The following EXTL3 variants were observed in gnomAD, a reference collection of about 807,000 sequenced individuals.
EXTL3 encodes the protein exostosin like glycosyltransferase 3.
In EXTL3, 27 loss-of-function variants were observed where a neutral mutation model predicts 69.3. The observed-to-expected ratio is 0.39, with a 90% CI of 0.29 to 0.54. EXTL3 has a LOEUF of 0.54. Ranked by LOEUF, EXTL3 falls within the 20% of genes least tolerant of loss-of-function variation. The probability of loss-of-function intolerance (pLI) is 0.69; values close to 1 mark genes in which losing one functional copy is unlikely to be tolerated. For missense variants in EXTL3, 1,003 were observed against 1,231.8 expected (o/e 0.81, Z 2.78); for synonymous variants, 511 against 499.4 (o/e 1.02, Z -0.31).
intron 3 of EXTL3, among the ~76,000 whole-genome samples, chr8:28,728,809 T>C (rs960785832): frequency 1.3e-5 from 2 of 152,036 alleles, no homozygotes; most frequent in African/African-American, 4.8e-5. Flanking sequence ...GATCAATCAC[T>C]TGAGCTAATG....
Position 28,717,987 on chromosome 8 carries a change from C to G in EXTL3, c.1928C>G (p.Ala643Gly). Residue 643 changes from alanine to glycine, a missense_variant, in exon 3 of 7, where the codon GCT becomes GGT. By Grantham distance (60) the Ala-to-Gly change is moderately conservative. Transcript: ENST00000220562. The surrounding 1 kb of genome is among the most constrained non-coding windows in gnomAD (Gnocchi z 8.3). The stretch of plus-strand genomic sequence containing the variant: ...GGCTTTCGGCCTATTGGTGGTGGAG[C>G]TGGGGGTTCTGGCAAGGAATTTCAG... ...GTGFRPIGGGAGGSGKEFQAA... is the reference protein window; with the variant it reads ...GTGFRPIGGGGGGSGKEFQAA... The G allele has an allele frequency of 6.2e-6, 10 of 1,614,060 alleles. No homozygotes were observed. Among genetic ancestry groups the G allele is most frequent in the Non-Finnish European group, 8.5e-6 (10 of 1,180,008 alleles).
intron 4 of EXTL3, among the ~76,000 whole-genome samples, chr8:28,733,007 C>T (rs570485365): frequency 6.6e-6 from 1 of 152,206 alleles, no homozygotes; most frequent in African/African-American, 2.4e-5. Context: ...GCTGGGATTA[C>T]AGGCATGAGC....
At chr8:28,711,222 CT>C (rs2130724147) in intron 1 of EXTL3, among the ~76,000 whole-genome samples, 1 of 152,156 alleles carries the variant, frequency 6.6e-6, no homozygotes, top group African/African-American at 2.4e-5. Context: ...TGTCTTTTCC[CT>C]TTTTTCTTTG....
upstream of EXTL3, among the ~76,000 whole-genome samples, chr8:28,619,231 T>C (rs1033064737): frequency 4.4e-5 from 5 of 114,412 alleles, no homozygotes; most frequent in African/African-American, 9.9e-5. Flanking sequence ...GTCTCTAAAC[T>C]GGGGAGGAAG....
chr8:28,632,298 G>C (rs762338403), intron 1 of EXTL3, among the ~76,000 whole-genome samples: 3 of 152,002 alleles, frequency 2.0e-5, no homozygotes, highest in Non-Finnish European at 4.4e-5. Flanking sequence ...GGAAGGCTGA[G>C]GCAGGAGAAT....
chr8:28,612,921 G>A (rs1026560134), intron 2 of EXTL3, among the ~76,000 whole-genome samples: 1 of 152,082 alleles, frequency 6.6e-6, no homozygotes, highest in Non-Finnish European at 1.5e-5. Flanking sequence ...GTCTTACTAT[G>A]TTACCCAGGC....
Position 28,749,381 on chromosome 8 carries a change from A to G in EXTL3, c.2551-1276A>G, listed in dbSNP as rs114537099. ...ATGAGAATCATAGTTATTAAATTTC[A>G]GTGAAATGGGATAAAAAGATCAGAC... On this transcript the variant is annotated intron_variant, in intron 6 of 6. Transcript: ENST00000220562. Among the ~76,000 whole-genome samples, 650 of 152,352 alleles carry G rather than the reference A, an allele frequency of 4.3e-3. 8 individuals are homozygous for G. The highest frequency in any genetic ancestry group is 0.015 in the African/African-American group (622 of 41,584).
At chr8:28,691,933 T>A (rs556997839) in intron 1 of EXTL3, among the ~76,000 whole-genome samples, 1 of 152,172 alleles carries the variant, frequency 6.6e-6, no homozygotes, top group South Asian at 2.1e-4. Flanking sequence ...ATTATTTAAT[T>A]AATGAAATAA....
At chr8:28,737,388 T>C in intron 4 of EXTL3, 131 bp from the exon 5 acceptor site, 2 of 985,506 alleles carry the variant, frequency 2.0e-6, no homozygotes, top group East Asian at 2.4e-5. Flanking sequence ...TGATTTTGTT[T>C]TATTTTGAAA....
chr8:28,634,396 C>A (rs905980851), intron 1 of EXTL3, among the ~76,000 whole-genome samples: 1 of 152,098 alleles, frequency 6.6e-6, no homozygotes. Context: ...GTGCAGCTCG[C>A]AGCACCCAGG....
Position 28,716,693 on chromosome 8 carries a change from C to A in EXTL3, c.634C>A (p.Pro212Thr). The A allele has an allele frequency of 3.1e-6, 5 of 1,614,200 alleles. No homozygotes were observed. The highest frequency in any genetic ancestry group is 4.2e-6 in the Non-Finnish European group (5 of 1,180,034). The change falls in exon 3 of 7, where the codon CCC (proline) becomes ACC (threonine). Residue 212 changes from proline to threonine, a missense_variant. Physicochemically the swap from Pro to Thr is conservative, Grantham distance 38. Coordinates refer to ENST00000220562, the MANE Select transcript of EXTL3 (RefSeq NM_001440.4). The surrounding 1 kb of genome is among the most constrained non-coding windows in gnomAD (Gnocchi z 7.1). ...GTTTGTCTTTGGCAGCTACCTGGATCCCTTGGTCAAGCAGGCTTTTCAGGC... is the reference window on the plus strand; with the variant it reads ...GTTTGTCTTTGGCAGCTACCTGGATACCTTGGTCAAGCAGGCTTTTCAGGC... ...DQFVFGSYLD[P>T]LVKQAFQATA...
chr8:28,718,213 A>T lies in EXTL3; in HGVS notation c.2148+6A>T, dbSNP rs767570507. On this transcript the variant is annotated splice_donor_region_variant and intron_variant, in intron 3 of 6. Coordinates refer to ENST00000220562, the MANE Select transcript of EXTL3 (RefSeq NM_001440.4). ...ACATTGGCGTCCCCATCATGGTAATAGAGAAACGAACAGTTCGTTTTGGTG... is the reference window on the plus strand; with the variant it reads ...ACATTGGCGTCCCCATCATGGTAATTGAGAAACGAACAGTTCGTTTTGGTG... 1.2e-6 allele frequency: 2 copies of T among 1,613,488 alleles called. No individual in the cohort carries two copies. The highest frequency in any genetic ancestry group is 1.7e-6 in the Non-Finnish European group (2 of 1,179,604).
At chr8:28,727,446 T>G (rs113780931) in intron 3 of EXTL3, among the ~76,000 whole-genome samples, 155 of 152,338 alleles carry the variant, frequency 1.0e-3, no homozygotes, top group African/African-American at 3.6e-3. Flanking sequence ...TGACCCCACC[T>G]AAGTCTTCTA....
At chr8:28,631,359 T>G (rs1275424329) in intron 1 of EXTL3, 1 of 152,144 alleles carries the variant, frequency 6.6e-6, no homozygotes, top group Non-Finnish European at 1.5e-5. Flanking sequence ...GTGCTAGGAT[T>G]CTGGGAGAGT....
chr8:28,744,822 A>G (rs540888889), intron 6 of EXTL3, among the ~76,000 whole-genome samples: 43 of 149,804 alleles, frequency 2.9e-4, no homozygotes, highest in African/African-American at 1.1e-3. Context: ...ACACACGCAC[A>G]CACAGTAGCA....
intron 1 of EXTL3, among the ~76,000 whole-genome samples, chr8:28,673,592 G>T (rs1807333507): frequency 6.6e-6 from 1 of 152,056 alleles, no homozygotes; most frequent in East Asian, 1.9e-4. Flanking sequence ...TTACAGAAAG[G>T]CTGGTCATGG....
chr8:28,661,176 G>A (rs1323615404), intron 1 of EXTL3, among the ~76,000 whole-genome samples: 2 of 151,898 alleles, frequency 1.3e-5, no homozygotes, highest in East Asian at 1.9e-4. Context: ...GCCTCCCAAA[G>A]TGCTGGGATT....
chr8:28,710,828 C>T (rs1180219143), intron 1 of EXTL3, among the ~76,000 whole-genome samples: 2 of 151,972 alleles, frequency 1.3e-5, no homozygotes, highest in East Asian at 3.9e-4. Flanking sequence ...TGAGCCGCAG[C>T]GCCTGGCTTG....
intron 1 of EXTL3, among the ~76,000 whole-genome samples, chr8:28,690,561 C>T (rs1166546964): frequency 6.6e-6 from 1 of 151,978 alleles, no homozygotes. Flanking sequence ...GTTTGTTGTA[C>T]AGATTATTTC....
Sources: gnomAD v4.1 joint callset for allele counts (sites outside exome capture counted in the v4.1 genomes callset) on GRCh38, gnomAD v4.1.1 for gene constraint, Gnocchi (gnomAD v3.1) non-coding constraint, MANE v1.5 for transcripts, NCBI Gene and HGNC (gene_info 2026-07-23, HGNC 2026-07-21) for gene names.